Variants in LTB observed in about 807,000 individuals in gnomAD.
The protein encoded by LTB is lymphotoxin beta.
A neutral mutation model predicts 14.7 loss-of-function variants in LTB; 17 were observed. The observed-to-expected ratio is 1.16, with a 90% confidence interval of 0.79 to 1.73. The LOEUF is 1.73. Among genes scored for constraint, LTB ranks in the 40% most tolerant of loss-of-function variants. The probability of loss-of-function intolerance (pLI) is 0.00; values close to 1 mark genes in which losing one functional copy is unlikely to be tolerated. For missense variants in LTB, 288 were observed against 324.3 expected (o/e 0.89, Z 0.86); for synonymous variants, 163 against 157.3 (o/e 1.04, Z -0.27).
At chr6:31,581,920 C>T (rs1051153399) in intron 1 of LTB, 61 bp from the exon 2 acceptor site, 1 of 1,501,698 alleles carries the variant, frequency 6.7e-7, no homozygotes, top group Non-Finnish European at 9.0e-7. Flanking sequence ...CCCTACCCCT[C>T]TGAAAGTGGA....
chr6:31,581,586 G>T lies in LTB; in HGVS notation c.253C>A (p.Pro85Thr), dbSNP rs140734819. Residue 85 changes from proline to threonine, a missense_variant, in exon 3 of 4, where the codon CCC becomes ACC. Around this residue, in one of 2 missense-constraint regions of LTB, gnomAD observed 284 missense variants for 299.2 expected, o/e 0.95. Coordinates refer to ENST00000429299, the MANE Select transcript of LTB (RefSeq NM_002341.2). Reference sequence around the variant, plus strand: ...ATGAGGTGGGCAGCTGGGAGCCCGGGGCTGAGATCTGTTTCTGGCTCCTCC... The same window carrying T: ...ATGAGGTGGGCAGCTGGGAGCCCGGTGCTGAGATCTGTTTCTGGCTCCTCC... ...PEEEPETDLSPGLPAAHLIGA... is the reference protein window; with the variant it reads ...PEEEPETDLSTGLPAAHLIGA... 1 of 1,613,006 alleles carries T rather than the reference G, an allele frequency of 6.2e-7. No homozygotes were observed. Among genetic ancestry groups the T allele is most frequent in the African/African-American group, 1.3e-5 (1 of 75,012 alleles).
intron 3 of LTB, among the ~76,000 whole-genome samples, 174 bp downstream of exon 3, chr6:31,581,385 A>C (rs1446497652): frequency 2.0e-5 from 3 of 151,968 alleles, no homozygotes; most frequent in Non-Finnish European, 4.4e-5. Flanking sequence ...CTTGCACCGG[A>C]GGGAAGAAGA....
In LTB at chr6:31,580,940, GC is replaced by G. The variant is rs774553384; in HGVS notation, c.503del (p.Gly168AlafsTer18). ...GCTCGGGAGTGCCCGGCCCGTAGGC[GC>G]CCCCCGCCCGGTACAGAGAGCTGCG... ...TLRSSLYRAG[G>X]AYGPGTPELL... On this transcript the variant is annotated frameshift_variant, in exon 4 of 4. Coordinates refer to ENST00000429299, the MANE Select transcript of LTB (RefSeq NM_002341.2). LOFTEE classifies it high-confidence loss of function. The surrounding 1 kb of genome is among the most constrained non-coding windows in gnomAD (Gnocchi z 6.6). 1 of 1,575,268 alleles carries G rather than the reference GC, an allele frequency of 6.3e-7. No individual in the cohort carries two copies. The highest frequency in any genetic ancestry group is 8.6e-7 in the Non-Finnish European group (1 of 1,161,696).
rs758126945 is a variant in LTB, at chr6:31,581,807, C to T, written c.208+7G>A. 4 of 1,611,540 alleles carry T rather than the reference C, an allele frequency of 2.5e-6. No homozygotes were observed. The highest frequency in any genetic ancestry group is 3.3e-4 in the Middle Eastern group (2 of 6,052). On this transcript the variant is annotated splice_region_variant and intron_variant, in intron 2 of 3. Coordinates refer to ENST00000429299, the MANE Select transcript of LTB (RefSeq NM_002341.2). ...GAAGCGGGGAAGGAGAGACAGTCTG[C>T]TCTTACCCAGTCCTTGCTGGGCCTG...
rs757889756 is a variant in LTB, at chr6:31,580,970, C to T, written c.474G>A (p.Thr158=). The change falls in exon 4 of 4, where the codon ACG becomes ACA. Residue 158 remains threonine (T), a synonymous_variant. Coordinates refer to ENST00000429299, the MANE Select transcript of LTB (RefSeq NM_002341.2). The surrounding 1 kb of genome is among the most constrained non-coding windows in gnomAD (Gnocchi z 6.6). Reference sequence around the variant, plus strand: ...CCGCCCGGTACAGAGAGCTGCGCAGCGTGACCGAGCGGCCCTGGGGGTCCC... The same window carrying T: ...CCGCCCGGTACAGAGAGCTGCGCAGTGTGACCGAGCGGCCCTGGGGGTCCC... ...GGGDPQGRSV[T]LRSSLYRAGG... is the part of the protein sequence containing the mutation. The T allele has an allele frequency of 6.4e-7, 1 of 1,564,238 alleles. No homozygotes were observed. The highest frequency in any genetic ancestry group is 1.4e-5 in the African/African-American group (1 of 73,560).
Position 31,581,104 on chromosome 6 carries a change from T to C in LTB, c.340A>G (p.Thr114Ala). 2 of 1,605,026 alleles carry C rather than the reference T, an allele frequency of 1.2e-6. No individual in the cohort carries two copies. The highest frequency in any genetic ancestry group is 2.2e-5 in the East Asian group (1 of 44,764). The part of the protein sequence containing the change: ...WETTKEQAFL[T>A]SGTQFSDAEG... ...GCGTCCGAGAACTGCGTCCCGCTCG[T>C]CAGAAACGCCTGTTCCTTCGTCGTC... Residue 114 changes from threonine (T) to alanine (A), a missense_variant, in exon 4 of 4, where the codon ACG (threonine) becomes GCG (alanine). Physicochemically the swap from Thr to Ala is moderately conservative, Grantham distance 58. This residue lies in a region of LTB where 284 missense variants were observed against 299.2 expected (regional missense o/e 0.95). Coordinates refer to ENST00000429299, the MANE Select transcript of LTB (RefSeq NM_002341.2).
rs370654316 is a variant in LTB, at chr6:31,581,103, G to T, written c.341C>A (p.Thr114Lys). Residue 114 changes from threonine (T) to lysine (K), a missense_variant, in exon 4 of 4, where the codon ACG becomes AAG. This residue lies in a region of LTB where 284 missense variants were observed against 299.2 expected (regional missense o/e 0.95). Coordinates refer to ENST00000429299, the MANE Select transcript of LTB (RefSeq NM_002341.2). Reference protein sequence around the residue: ...WETTKEQAFLTSGTQFSDAEG... With the variant: ...WETTKEQAFLKSGTQFSDAEG... Reference sequence around the variant, plus strand: ...GGCGTCCGAGAACTGCGTCCCGCTCGTCAGAAACGCCTGTTCCTTCGTCGT... The same window carrying T: ...GGCGTCCGAGAACTGCGTCCCGCTCTTCAGAAACGCCTGTTCCTTCGTCGT... The T allele has an allele frequency of 6.2e-7, 1 of 1,604,942 alleles. No homozygotes were observed. The highest frequency in any genetic ancestry group is 1.3e-5 in the African/African-American group (1 of 74,546).
chr6:31,582,165 C>T (rs557400970), intron 1 of LTB, 91 bp downstream of exon 1: 7 of 1,499,104 alleles, frequency 4.7e-6, no homozygotes, highest in East Asian at 2.3e-5. Context: ...GCCAGCTGAG[C>T]CAGAGGGGGC....
At position 31,581,087 on chromosome 6, in the gene LTB, G is replaced by A. The variant is rs1771472775; in HGVS notation, c.357C>T (p.Phe119=). The A allele has an allele frequency of 6.2e-7, 1 of 1,610,250 alleles. No individual in the cohort carries two copies. The highest frequency in any genetic ancestry group is 1.7e-5 in the Admixed American group (1 of 59,390). The change falls in exon 4 of 4, where the codon TTC becomes TTT. Residue 119 remains phenylalanine (F), a synonymous_variant. Transcript: ENST00000429299. ...GGAGCGCCAGCCCCTCGGCGTCCGA[G>A]AACTGCGTCCCGCTCGTCAGAAACG... ...EQAFLTSGTQ[F]SDAEGLALPQ...
chr6:31,582,253 C>T lies in LTB; in HGVS notation c.162+3G>A. 1 of 1,612,888 alleles carries T rather than the reference C, an allele frequency of 6.2e-7. No individual in the cohort carries two copies. The highest frequency in any genetic ancestry group is 8.5e-7 in the Non-Finnish European group (1 of 1,179,876). ...TCCACCAGGGCCTGTTGCAGCCACTCACCAGTCCTCCCTGATCCTGGGGCA... is the reference window on the plus strand; with the variant it reads ...TCCACCAGGGCCTGTTGCAGCCACTTACCAGTCCTCCCTGATCCTGGGGCA... On this transcript the variant is annotated splice_donor_region_variant and intron_variant, in intron 1 of 3. Coordinates refer to ENST00000429299, the MANE Select transcript of LTB (RefSeq NM_002341.2).
At chr6:31,581,895 T>A (rs139528542) in intron 1 of LTB, 36 bp from the exon 2 acceptor site, 3 of 1,553,288 alleles carry the variant, frequency 1.9e-6, no homozygotes, top group Admixed American at 2.0e-5. Context: ...AGAGTTCAGA[T>A]TCAGCTCATG....
At position 31,580,738 on chromosome 6, in the gene LTB, T is replaced by A. The variant is rs1419653967; in HGVS notation, c.706A>T (p.Thr236Ser). 1 of 1,612,178 alleles carries A rather than the reference T, an allele frequency of 6.2e-7. No homozygotes were observed. The highest frequency in any genetic ancestry group is 1.3e-5 in the African/African-American group (1 of 74,810). The change falls in exon 4 of 4, where the codon ACC (threonine) becomes TCC (serine). Residue 236 changes from threonine (T) to serine (S), a missense_variant. This residue lies in a region of LTB where 4 missense variants were observed against 25.1 expected (regional missense o/e 0.16). Transcript: ENST00000429299. The surrounding 1 kb of genome is among the most constrained non-coding windows in gnomAD (Gnocchi z 6.6). ...PDMVDFARGKTFFGAVMVG is the reference protein window; with the variant it reads ...PDMVDFARGKSFFGAVMVG ...CCCACCATCACGGCCCCAAAGAAGGTCTTCCCTCTCGCGAAGTCCACCATA... is the reference window on the plus strand; with the variant it reads ...CCCACCATCACGGCCCCAAAGAAGGACTTCCCTCTCGCGAAGTCCACCATA...
intron 1 of LTB, 161 bp downstream of exon 1, chr6:31,582,095 C>G (rs1771584038): frequency 3.4e-6 from 3 of 894,348 alleles, no homozygotes; most frequent in East Asian, 2.5e-5. Context: ...AGCACAACAT[C>G]ACAGGAACAT....
At chr6:31,582,087 C>T (rs1583059256) in intron 1 of LTB, 169 bp downstream of exon 1, 3 of 856,126 alleles carry the variant, frequency 3.5e-6, no homozygotes, top group Admixed American at 2.5e-5. Context: ...GGGACACAAG[C>T]ACAACATCAC....
intron 1 of LTB, 173 bp downstream of exon 1, chr6:31,582,083 C>G (rs543486002): frequency 2.4e-6 from 2 of 840,906 alleles, no homozygotes; most frequent in Admixed American, 2.6e-5. Context: ...TGTCGGGACA[C>G]AAGCACAACA....
chr6:31,581,038 A>T lies in LTB; in HGVS notation c.406T>A (p.Tyr136Asn). The change falls in exon 4 of 4, where the codon TAC (tyrosine) becomes AAC (asparagine). Residue 136 changes from tyrosine to asparagine, a missense_variant. This residue lies in a region of LTB where 284 missense variants were observed against 299.2 expected (regional missense o/e 0.95). Transcript: ENST00000429299. Reference protein sequence around the residue: ...ALPQDGLYYLYCLVGYRGRAP... With the variant: ...ALPQDGLYYLNCLVGYRGRAP... The stretch of plus-strand genomic sequence containing the variant: ...CGGCCCCGGTAGCCGACGAGACAGT[A>T]GAGGTAATAGAGGCCGTCCTGCGGG... 6.2e-7 allele frequency: 1 copy of T among 1,602,396 alleles called. No individual in the cohort carries two copies. Among genetic ancestry groups the T allele is most frequent in the Non-Finnish European group, 8.5e-7 (1 of 1,174,950 alleles).
chr6:31,581,884 C>G (rs1771554403), intron 1 of LTB, 25 bp from the exon 2 acceptor site: 5 of 1,563,196 alleles, frequency 3.2e-6, no homozygotes, highest in Non-Finnish European at 3.5e-6. Flanking sequence ...TCACAGTGCC[C>G]AGAGTTCAGA....
At chr6:31,581,193 G>A in intron 3 of LTB, 30 bp from the exon 4 acceptor site, 1 of 1,507,506 alleles carries the variant, frequency 6.6e-7, no homozygotes. Context: ...CGCGCTCTTG[G>A]GAATGCGATC....
At chr6:31,582,089 CAA>C in intron 1 of LTB, 165 bp downstream of exon 1, 1 of 870,262 alleles carries the variant, frequency 1.1e-6, no homozygotes, top group Non-Finnish European at 1.8e-6. Context: ...GACACAAGCA[CAA>C]CATCACAGGA....
Sources: gnomAD v4.1 joint callset for allele counts (sites outside exome capture counted in the v4.1 genomes callset) on GRCh38, gnomAD v4.1.1 for gene constraint, gnomAD v4.1.1 regional missense constraint, Gnocchi (gnomAD v3.1) non-coding constraint, MANE v1.5 for transcripts, NCBI Gene and HGNC (gene_info 2026-07-23, HGNC 2026-07-21) for gene names.